PUDP: variants seen among roughly 807,000 people sequenced by gnomAD.
The protein encoded by PUDP is pseudouridine-5'-phosphatase.
A neutral mutation model predicts 9.4 loss-of-function variants in PUDP; 8 were observed. The ratio of observed to expected loss-of-function variants is 0.85; its 90% CI spans 0.50 to 1.53. The LOEUF is 1.53. PUDP is among the 40% of genes most tolerant of loss of function. The probability of loss-of-function intolerance (pLI) is 0.00; values close to 1 mark genes in which losing one functional copy is unlikely to be tolerated. For missense variants in PUDP, 188 were observed against 189.7 expected, an observed-to-expected ratio of 0.99 and a Z score of 0.05; for synonymous variants, 99 against 80.7, an observed-to-expected ratio of 1.23 and a Z score of -1.22.
chrX:6,847,132 G>T (rs1453124344), intron 3 of PUDP, among the ~76,000 whole-genome samples: 1 of 111,638 alleles, frequency 9.0e-6, no homozygotes, highest in Non-Finnish European at 1.9e-5. Context: ...TATTTAAATA[G>T]GATATAAATT....
intron 3 of PUDP, among the ~76,000 whole-genome samples, chrX:6,795,179 T>A (rs1002153668): frequency 3.6e-5 from 4 of 111,282 alleles, no homozygotes; most frequent in Admixed American, 2.9e-4. Context: ...GGGATCTGCA[T>A]CGTATATGTG....
chrX:6,884,428 T>C (rs1438080273), intron 3 of PUDP, among the ~76,000 whole-genome samples: 3 of 111,836 alleles, frequency 2.7e-5, no homozygotes, highest in Non-Finnish European at 3.8e-5. Context: ...TGGGCTAGGA[T>C]GTAAGCCTCA....
Position 6,934,355 on chromosome X carries a change from A to G in PUDP, c.*247+42778T>C, listed in dbSNP as rs1289892427. On this transcript the variant is annotated intron_variant and NMD_transcript_variant, in intron 3 of 3. Transcript: ENST00000655425. Reference sequence around the variant, plus strand: ...ACATTCTTAAAGAAAAGAATTTTCAACCCAGAATTTCATATCCAGCCAAAC... The same window carrying G: ...ACATTCTTAAAGAAAAGAATTTTCAGCCCAGAATTTCATATCCAGCCAAAC... Among the ~76,000 whole-genome samples, 256 of 106,569 alleles carry G rather than the reference A, an allele frequency of 2.4e-3. 2 individuals carry two copies. Among genetic ancestry groups the G allele is most frequent in the African/African-American group, 8.5e-3 (246 of 29,106 alleles). 92.5% of individuals were successfully genotyped at this position (106,569 alleles called of 115,157 possible).
At chrX:7,103,969 A>T (rs111808553) in intron 2 of PUDP, among the ~76,000 whole-genome samples, 3,702 of 112,213 alleles carry the variant, frequency 0.033, 76 homozygotes, top group Non-Finnish European at 0.052. Flanking sequence ...ATGGTGTAAC[A>T]ACTATGGAAA....
At chrX:6,720,287 T>TACAC (rs1555907538) in intron 1 of PUDP, among the ~76,000 whole-genome samples, 1 of 83,156 alleles carries the variant, frequency 1.2e-5, no homozygotes, top group African/African-American at 5.0e-5. Flanking sequence ...TATATATATA[T>TACAC]ACACACACAC....
intron 1 of PUDP, among the ~76,000 whole-genome samples, chrX:7,040,656 G>A (rs1039508854): frequency 2.4e-4 from 27 of 112,016 alleles, no homozygotes; most frequent in African/African-American, 7.1e-4. Context: ...TGCATGCAGC[G>A]TTCTACTTTT....
chrX:7,026,307 C>T (rs779912532), intron 1 of PUDP, among the ~76,000 whole-genome samples: 1 of 111,484 alleles, frequency 9.0e-6, no homozygotes, highest in Non-Finnish European at 1.9e-5. Flanking sequence ...TATCAGAGGC[C>T]CATCAAGTCA....
At chrX:6,995,021 G>T (rs1929232287) in intron 1 of PUDP, among the ~76,000 whole-genome samples, 1 of 110,793 alleles carries the variant, frequency 9.0e-6, no homozygotes, top group African/African-American at 3.3e-5. Context: ...TGACAGGAAG[G>T]GCACAAAACT....
chrX:6,753,131 C>T (rs1925125424), intron 3 of PUDP, among the ~76,000 whole-genome samples: 1 of 111,063 alleles, frequency 9.0e-6, no homozygotes, highest in Non-Finnish European at 1.9e-5. Context: ...CCCTTCCCAT[C>T]CTTTCCCCCT....
chrX:6,833,477 AAATG>A (rs199835282), intron 3 of PUDP, among the ~76,000 whole-genome samples: 2,196 of 112,016 alleles, frequency 0.02, 54 homozygotes, highest in African/African-American at 0.068. Flanking sequence ...ATGAAGGCAC[AAATG>A]AATGAATGAA....
intron 3 of PUDP, among the ~76,000 whole-genome samples, chrX:6,913,681 C>T (rs1156487021): frequency 2.7e-5 from 3 of 111,555 alleles, no homozygotes; most frequent in Non-Finnish European, 5.6e-5. Context: ...TACTCTATCA[C>T]AAAGTTATTT....
chrX:6,859,786 G>A, intron 3 of PUDP, among the ~76,000 whole-genome samples: 1 of 111,133 alleles, frequency 9.0e-6, no homozygotes, highest in Non-Finnish European at 1.9e-5. Context: ...GATTGGCTGT[G>A]TGATTTTACC....
intron 3 of PUDP, among the ~76,000 whole-genome samples, chrX:6,817,366 C>A (rs1413681201): frequency 1.8e-5 from 2 of 111,618 alleles, no homozygotes; most frequent in African/African-American, 6.5e-5. Flanking sequence ...AGCCACCATG[C>A]CCCGCCTTAA....
At chrX:6,853,537 A>C (rs1926860604) in intron 3 of PUDP, among the ~76,000 whole-genome samples, 1 of 110,000 alleles carries the variant, frequency 9.1e-6, no homozygotes, top group African/African-American at 3.3e-5. Flanking sequence ...CATTTAGTGC[A>C]TTCACTGTTA....
At chrX:6,811,916 T>C (rs1021836999) in intron 3 of PUDP, among the ~76,000 whole-genome samples, 3 of 112,286 alleles carry the variant, frequency 2.7e-5, no homozygotes, top group African/African-American at 6.5e-5. Context: ...GCAATTCAGA[T>C]GTAGAAAGAA....
intron 2 of PUDP, among the ~76,000 whole-genome samples, chrX:7,095,505 A>C (rs1253881625): frequency 1.8e-5 from 2 of 112,160 alleles, no homozygotes; most frequent in Non-Finnish European, 3.8e-5. Flanking sequence ...TGGGGTTCCT[A>C]GGCACTGTCC....
At chrX:7,092,498 C>A (rs1931451000) in intron 2 of PUDP, among the ~76,000 whole-genome samples, 1 of 111,302 alleles carries the variant, frequency 9.0e-6, no homozygotes, top group Non-Finnish European at 1.9e-5. Flanking sequence ...ATGGCTAGAG[C>A]TTTGTTGTGA....
chrX:7,035,296 T>A (rs181098896), intron 1 of PUDP, among the ~76,000 whole-genome samples: 195 of 112,086 alleles, frequency 1.7e-3, no homozygotes, highest in African/African-American at 6.2e-3. Context: ...AATATATACA[T>A]AGTCTGCAAA....
At chrX:6,822,336 C>T (rs993529781) in intron 3 of PUDP, among the ~76,000 whole-genome samples, 1 of 112,431 alleles carries the variant, frequency 8.9e-6, no homozygotes, top group African/African-American at 3.2e-5. Context: ...AGTTTGTTTC[C>T]ATGAGGTCAC....
Sources: allele counts gnomAD v4.1 joint callset (sites outside exome capture counted in the v4.1 genomes callset), GRCh38; gene constraint gnomAD v4.1.1; transcripts MANE v1.5; gene names NCBI Gene and HGNC (gene_info 2026-07-23, HGNC 2026-07-21).